APOO: variants seen among roughly 807,000 people sequenced by gnomAD.
APOO encodes the protein apolipoprotein O.
A neutral mutation model predicts 23.1 loss-of-function variants in APOO; 11 were observed. That is an observed-to-expected ratio of 0.48 (90% CI 0.30 to 0.79). The LOEUF is 0.79. APOO is among the 30% of genes least tolerant of loss of function. The probability of loss-of-function intolerance (pLI) is 0.07; values close to 1 mark genes in which losing one functional copy is unlikely to be tolerated. For synonymous variants in APOO, 59 were observed against 54.8 expected, an observed-to-expected ratio of 1.08 and a Z score of -0.34; for missense variants, 160 against 142.7, an observed-to-expected ratio of 1.12 and a Z score of -0.62.
At chrX:23,865,580 G>A (rs1432303360) in intron 5 of APOO, among the ~76,000 whole-genome samples, 2 of 100,711 alleles carry the variant, frequency 2.0e-5, no homozygotes, top group African/African-American at 3.9e-5. Flanking sequence ...CTCCAGTCTC[G>A]GCAACAGAGC....
Position 23,840,295 on chromosome X carries a change from A to T in APOO, c.*29+18T>A, listed in dbSNP as rs761505411. The T allele has an allele frequency of 1.3e-5, 14 of 1,093,968 alleles. No individual in the cohort carries two copies. In the South Asian group the frequency reaches 1.7e-4, roughly 13 times the overall value. 90.2% of individuals were successfully genotyped at this position (1,093,968 alleles called of 1,213,427 possible). On this transcript the variant is annotated intron_variant, in intron 8 of 8. Transcript: ENST00000379226. ...ACTACAATGCTGAAAATAATCACAGAAATTTCTTGTTTTTTACCTGATTAA... is the reference window on the plus strand; with the variant it reads ...ACTACAATGCTGAAAATAATCACAGTAATTTCTTGTTTTTTACCTGATTAA...
chrX:23,873,998 T>C (rs1240766511), intron 4 of APOO, among the ~76,000 whole-genome samples: 1 of 112,190 alleles, frequency 8.9e-6, no homozygotes, highest in African/African-American at 3.2e-5. Context: ...AGACCTTTTA[T>C]AGGAGTACCA....
At position 23,836,968 on chromosome X, in the gene APOO, A is replaced by C. The variant is rs763378097; in HGVS notation, c.*29+3345T>G. The C allele has an allele frequency of 9.1e-6, 11 of 1,206,364 alleles. No homozygotes were observed. The South Asian group carries it at 1.1e-4, about 12-fold the overall frequency. On this transcript the variant is annotated intron_variant, in intron 8 of 8. Coordinates refer to ENST00000379226, the MANE Select transcript of APOO (RefSeq NM_024122.5). ...AACCCTGCGGATGTATTTTTCACCCAAAAAATTTCGGATTTCAACAAGAGA... is the reference window on the plus strand; with the variant it reads ...AACCCTGCGGATGTATTTTTCACCCCAAAAATTTCGGATTTCAACAAGAGA...
chrX:23,847,039 G>T (rs766142044), intron 7 of APOO, among the ~76,000 whole-genome samples: 5,624 of 111,172 alleles, frequency 0.051, 135 homozygotes, highest in Middle Eastern at 0.079. Context: ...GTGGCCAAAA[G>T]ACATGAACAG....
intron 5 of APOO, among the ~76,000 whole-genome samples, chrX:23,867,684 A>G (rs1188686570): frequency 9.0e-6 from 1 of 111,175 alleles, no homozygotes; most frequent in East Asian, 2.8e-4. Context: ...CTGGGACTAC[A>G]GACACCTGCC....
intron 7 of APOO, among the ~76,000 whole-genome samples, chrX:23,843,995 G>A (rs188572227): frequency 1.8e-4 from 20 of 112,178 alleles, no homozygotes; most frequent in African/African-American, 5.5e-4. Context: ...CCAAACCTTT[G>A]AGGTACAGCA....
At chrX:23,834,273 G>A (rs917056942) in intron 8 of APOO, among the ~76,000 whole-genome samples, 13 of 107,308 alleles carry the variant, frequency 1.2e-4, no homozygotes, top group Non-Finnish European at 2.3e-4. Flanking sequence ...GCGGGCGCCT[G>A]TAATCCCAGC....
At chrX:23,839,363 C>T (rs1366282470) in intron 8 of APOO, among the ~76,000 whole-genome samples, 1 of 111,696 alleles carries the variant, frequency 9.0e-6, no homozygotes, top group Non-Finnish European at 1.9e-5. Flanking sequence ...AAGGAACATA[C>T]AGGGTTTCAG....
intron 5 of APOO, among the ~76,000 whole-genome samples, chrX:23,865,354 AG>A (rs1925286714): frequency 9.0e-6 from 1 of 111,163 alleles, no homozygotes; most frequent in Non-Finnish European, 1.9e-5. Flanking sequence ...CTATGATCCC[AG>A]CACTTTGGGA....
intron 5 of APOO, among the ~76,000 whole-genome samples, chrX:23,861,400 G>T (rs921377453): frequency 4.6e-5 from 5 of 109,233 alleles, no homozygotes; most frequent in African/African-American, 1.3e-4. Context: ...GCAGCCCAAG[G>T]CCTCACCAGA....
intron 3 of APOO, among the ~76,000 whole-genome samples, chrX:23,875,465 C>T (rs1925805139): frequency 9.9e-6 from 1 of 101,431 alleles, no homozygotes; most frequent in African/African-American, 3.6e-5. Flanking sequence ...GTCGCCCAGG[C>T]TGGAGTGCAG....
chrX:23,856,660 T>A (rs922348010), intron 6 of APOO, among the ~76,000 whole-genome samples: 42 of 110,706 alleles, frequency 3.8e-4, no homozygotes, highest in Non-Finnish European at 7.0e-4. Context: ...GTTCAAGCAA[T>A]TTTCTTGCCT....
chrX:23,892,403 C>T (rs752774461), intron 1 of APOO, among the ~76,000 whole-genome samples: 2 of 110,019 alleles, frequency 1.8e-5, no homozygotes, highest in South Asian at 3.9e-4. Context: ...TACAGGCGCC[C>T]GCTACCATGC....
chrX:23,905,913 C>G (rs1160999952), intron 1 of APOO, among the ~76,000 whole-genome samples: 2 of 112,525 alleles, frequency 1.8e-5, no homozygotes, highest in East Asian at 5.5e-4. Context: ...GTGACTTCTA[C>G]TGGTAACAGG....
At chrX:23,897,103 C>T (rs1054653791) in intron 1 of APOO, among the ~76,000 whole-genome samples, 3 of 111,700 alleles carry the variant, frequency 2.7e-5, no homozygotes. Context: ...AAGAGATAAG[C>T]AGAGAAAAAA....
intron 1 of APOO, among the ~76,000 whole-genome samples, chrX:23,895,674 T>C (rs752260909): frequency 2.7e-5 from 3 of 110,940 alleles, no homozygotes; most frequent in African/African-American, 9.8e-5. Context: ...AAAATTACAA[T>C]ATTAGTCTTC....
chrX:23,859,140 C>T (rs779678766), intron 5 of APOO, among the ~76,000 whole-genome samples: 1 of 111,261 alleles, frequency 9.0e-6, no homozygotes, highest in Admixed American at 9.7e-5. Flanking sequence ...AAAATAACCC[C>T]ACCACTGAAT....
rs772856518 is a variant in APOO, at chrX:23,860,641, T to C, written c.389-1908A>G. On this transcript the variant is annotated intron_variant, in intron 5 of 8. Coordinates refer to ENST00000379226, the MANE Select transcript of APOO (RefSeq NM_024122.5). ...TATCTTCCTGCCTCAGCCCCTCAAG[T>C]AGGTGGGACAAGAGGTGCAAGCCAT... 8.2e-4 allele frequency among the ~76,000 whole-genome samples: 89 copies of C among 108,435 alleles called. 1 individual carries two copies. Among genetic ancestry groups the C allele is most frequent in the African/African-American group, 2.9e-3 (86 of 29,907 alleles). 94.2% of individuals were successfully genotyped at this position (108,435 alleles called of 115,157 possible).
intron 1 of APOO, among the ~76,000 whole-genome samples, chrX:23,889,910 C>T (rs957235034): frequency 4.5e-5 from 5 of 110,251 alleles, no homozygotes; most frequent in African/African-American, 1.6e-4. Context: ...ATCCGCCCAC[C>T]TCGGCCTCCC....
Sources: gnomAD v4.1 joint callset for allele counts (sites outside exome capture counted in the v4.1 genomes callset) on GRCh38, gnomAD v4.1.1 for gene constraint, MANE v1.5 for transcripts, NCBI Gene and HGNC (gene_info 2026-07-23, HGNC 2026-07-21) for gene names.